CCDC102B: variants seen among roughly 807,000 people sequenced by gnomAD.
CCDC102B encodes coiled-coil domain containing 102B, also known as coiled-coil domain-containing protein 102B.
A neutral mutation model predicts 57.4 loss-of-function variants in CCDC102B; 75 were observed. The observed-to-expected ratio is 1.31, with a 90% CI of 1.08 to 1.58. CCDC102B has a LOEUF of 1.58. CCDC102B is among the 40% of genes most tolerant of loss of function. CCDC102B has a pLI of 0.00. For synonymous variants in CCDC102B, 206 were observed against 201.9 expected (o/e 1.02, Z -0.17); for missense variants, 636 against 582.6 (o/e 1.09, Z -0.94).
chr18:68,852,181 A>C (rs990757784), intron 4 of CCDC102B, among the ~76,000 whole-genome samples: 50 of 152,186 alleles, frequency 3.3e-4, no homozygotes, highest in African/African-American at 1.1e-3. Flanking sequence ...TGTATGCACC[A>C]ATCTTACTGA....
chr18:68,854,391 T>C (rs1282257800), intron 4 of CCDC102B, among the ~76,000 whole-genome samples: 2 of 152,190 alleles, frequency 1.3e-5, no homozygotes, highest in African/African-American at 4.8e-5. Flanking sequence ...TGAGCCACCG[T>C]GCCCGGCAGC....
At chr18:68,975,214 T>G (rs1460584012) in intron 6 of CCDC102B, among the ~76,000 whole-genome samples, 1 of 152,070 alleles carries the variant, frequency 6.6e-6, no homozygotes, top group African/African-American at 2.4e-5. Context: ...GATTGATTAT[T>G]GTGTAAATTT....
chr18:69,036,841 G>A (rs1173516363), intron 7 of CCDC102B, among the ~76,000 whole-genome samples: 3 of 152,036 alleles, frequency 2.0e-5, no homozygotes, highest in South Asian at 2.1e-4. Context: ...CATGAAAGAC[G>A]ATAAACTGAA....
intron 6 of CCDC102B, among the ~76,000 whole-genome samples, chr18:68,935,461 T>G (rs769384336): frequency 6.6e-6 from 1 of 151,876 alleles, no homozygotes; most frequent in Non-Finnish European, 1.5e-5. Flanking sequence ...TGGTTTGCCT[T>G]TGGATTTAGT....
chr18:68,740,374 TTCC>T (rs796394801), intron 2 of CCDC102B, among the ~76,000 whole-genome samples: 5 of 152,326 alleles, frequency 3.3e-5, no homozygotes, highest in African/African-American at 1.2e-4. Context: ...AAATCTTTGT[TTCC>T]TCGAGTTGTA....
chr18:68,905,622 T>G (rs1367886434), intron 6 of CCDC102B, among the ~76,000 whole-genome samples: 1 of 151,856 alleles, frequency 6.6e-6, no homozygotes, highest in African/African-American at 2.4e-5. Flanking sequence ...CCAAAGCACT[T>G]TCATCACCCT....
Position 68,850,015 on chromosome 18 carries a change from T to G in CCDC102B, c.936+3594T>G, listed in dbSNP as rs1233488783. On this transcript the variant is annotated intron_variant, in intron 4 of 7. Transcript: ENST00000360242. ...ATATGGGCCAGGCTTGGGAGTAGCG[T>G]ACATTATTTCCACTTATAATTCACA... Among the ~76,000 whole-genome samples the G allele has an allele frequency of 3.3e-5, 5 of 152,122 alleles. 1 individual carries two copies. The highest frequency in any genetic ancestry group is 7.4e-5 in the Non-Finnish European group (5 of 68,000).
At chr18:68,851,592 CTTACT>C (rs1568287993) in intron 4 of CCDC102B, among the ~76,000 whole-genome samples, 1 of 152,146 alleles carries the variant, frequency 6.6e-6, no homozygotes, top group African/African-American at 2.4e-5. Context: ...ACTGAGATGA[CTTACT>C]TTAAGACTAT....
intron 7 of CCDC102B, among the ~76,000 whole-genome samples, chr18:69,048,094 GAGC>G (rs890676911): frequency 3.9e-5 from 6 of 151,924 alleles, no homozygotes; most frequent in African/African-American, 1.5e-4. Context: ...TAAAATAATA[GAGC>G]AGAAGTTAAA....
chr18:68,919,355 G>A lies in CCDC102B; in HGVS notation c.1263+21927G>A, dbSNP rs373813960. Among the ~76,000 whole-genome samples, 10 of 152,092 alleles carry A rather than the reference G, an allele frequency of 6.6e-5. No homozygotes were observed. The South Asian group carries it at 2.1e-3, about 32-fold the overall frequency. ...TTTGTAATCTCTAGTAGGAATCCAG[G>A]CTTTAACATGGTAATACCCAAGATA... On this transcript the variant is annotated intron_variant, in intron 6 of 7. Coordinates refer to ENST00000360242, the MANE Select transcript of CCDC102B (RefSeq NM_024781.3).
chr18:68,790,780 C>CA (rs1207365252), intron 2 of CCDC102B, among the ~76,000 whole-genome samples: 4 of 152,216 alleles, frequency 2.6e-5, no homozygotes, highest in African/African-American at 4.8e-5. Flanking sequence ...ATGCAGAAAT[C>CA]ACCGTCTTCT....
At chr18:68,911,751 CAAAAAAAA>C (rs74175338) in intron 6 of CCDC102B, among the ~76,000 whole-genome samples, 366 of 18,006 alleles carry the variant, frequency 0.02, 10 homozygotes, top group East Asian at 0.2. Context: ...GACTCCGTCT[CAAAAAAAA>C]AAAAAAAAAA....
intron 2 of CCDC102B, among the ~76,000 whole-genome samples, chr18:68,785,111 A>G (rs2035153411): frequency 6.6e-6 from 1 of 151,786 alleles, no homozygotes; most frequent in African/African-American, 2.4e-5. Context: ...GTTCACTGAG[A>G]ATGATGACTT....
intron 7 of CCDC102B, among the ~76,000 whole-genome samples, chr18:69,044,314 A>G (rs2052505433): frequency 6.6e-6 from 1 of 152,168 alleles, no homozygotes; most frequent in African/African-American, 2.4e-5. Context: ...TCATTTTGCC[A>G]CAGTAACTTT....
chr18:68,934,876 T>TA (rs1000677991), intron 6 of CCDC102B, among the ~76,000 whole-genome samples: 53 of 150,848 alleles, frequency 3.5e-4, no homozygotes, highest in African/African-American at 1.0e-3. Flanking sequence ...ACGTTTCAAT[T>TA]AAAAAAAAAT....
At chr18:68,998,501 G>C (rs1038866671) in intron 6 of CCDC102B, among the ~76,000 whole-genome samples, 1 of 151,038 alleles carries the variant, frequency 6.6e-6, no homozygotes, top group Admixed American at 6.6e-5. Context: ...ATAGGAAAGA[G>C]AGTATTGACT....
At chr18:68,832,311 G>T (rs12052005) in intron 1 of CCDC102B, among the ~76,000 whole-genome samples, 36,955 of 152,004 alleles carry the variant, frequency 0.24, 4,962 homozygotes, top group East Asian at 0.49. Context: ...CCTAAGTACA[G>T]AGGGATTTTT....
chr18:68,780,948 G>C (rs912890709), intron 2 of CCDC102B, among the ~76,000 whole-genome samples: 2 of 152,008 alleles, frequency 1.3e-5, no homozygotes, highest in African/African-American at 4.8e-5. Flanking sequence ...TAAGACACAT[G>C]GTCTACAAAC....
chr18:68,842,313 A>G (rs1433562977), intron 3 of CCDC102B, among the ~76,000 whole-genome samples: 6 of 151,826 alleles, frequency 4.0e-5, no homozygotes, highest in Admixed American at 3.9e-4. Flanking sequence ...ATATTTGTAA[A>G]TATTTGAAAA....
Sources: allele counts gnomAD v4.1 joint callset (sites outside exome capture counted in the v4.1 genomes callset), GRCh38; gene constraint gnomAD v4.1.1; transcripts MANE v1.5; gene names NCBI Gene and HGNC (gene_info 2026-07-23, HGNC 2026-07-21).